The following ZNF532 variants were observed in gnomAD, a reference collection of about 807,000 sequenced individuals.
ZNF532 encodes zinc finger protein 532.
In ZNF532, 22 loss-of-function variants were observed where a neutral mutation model predicts 89.3. That is an observed-to-expected ratio of 0.25 (90% CI 0.18 to 0.35). The LOEUF (loss-of-function observed/expected upper bound fraction) is 0.35. Among genes scored for constraint, ZNF532 ranks in the 10% least tolerant of loss-of-function variants. The probability of loss-of-function intolerance (pLI) is 1.00; values close to 1 mark genes in which losing one functional copy is unlikely to be tolerated. For synonymous variants in ZNF532, 606 were observed against 649.6 expected (o/e 0.93, Z 1.02); for missense variants, 1,132 against 1,643.4 (o/e 0.69, Z 5.38).
intron 2 of ZNF532, among the ~76,000 whole-genome samples, chr18:58,902,027 T>C (rs1481801920): frequency 6.6e-6 from 1 of 152,230 alleles, no homozygotes; most frequent in Admixed American, 6.5e-5. Context: ...GGTTTCTCCA[T>C]GCCTGTTCTC....
chr18:58,954,712 T>C (rs2064576833), intron 7 of ZNF532, among the ~76,000 whole-genome samples: 1 of 83,846 alleles, frequency 1.2e-5, no homozygotes, highest in East Asian at 2.4e-4. Flanking sequence ...AATTTGCTAC[T>C]TTTTTTTTTT....
chr18:58,922,509 G>T (rs2061188049), intron 3 of ZNF532, among the ~76,000 whole-genome samples: 1 of 152,196 alleles, frequency 6.6e-6, no homozygotes, highest in African/African-American at 2.4e-5. Context: ...TAGGAAAGCA[G>T]CAACTTAGTT....
At chr18:58,951,646 G>GTTTTTTTTTTTGTT (rs760650267) in intron 6 of ZNF532, among the ~76,000 whole-genome samples, 2 of 72,592 alleles carry the variant, frequency 2.8e-5, no homozygotes, top group African/African-American at 6.3e-5. Flanking sequence ...TCGCCCTGTT[G>GTTTTTTTTTTTGTT]TTTTTTTTTT....
chr18:58,928,480 C>T (rs190464647), intron 3 of ZNF532, among the ~76,000 whole-genome samples: 4 of 152,238 alleles, frequency 2.6e-5, no homozygotes, highest in East Asian at 3.9e-4. Context: ...GGTTTTAGCT[C>T]GAGGCTCTCT....
chr18:58,883,781 C>T (rs1012773613), intron 2 of ZNF532, among the ~76,000 whole-genome samples: 1 of 152,120 alleles, frequency 6.6e-6, no homozygotes, highest in African/African-American at 2.4e-5. Flanking sequence ...CATGCCTCCT[C>T]CCCCAAGTTA....
At chr18:58,961,005 CCTT>C (rs2065291438) in intron 7 of ZNF532, among the ~76,000 whole-genome samples, 1 of 152,238 alleles carries the variant, frequency 6.6e-6, no homozygotes, top group Admixed American at 6.5e-5. Flanking sequence ...TATAACCCAT[CCTT>C]CTTTGTGGCT....
At chr18:58,880,774 C>G (rs73959534) in intron 2 of ZNF532, among the ~76,000 whole-genome samples, 70,346 of 140,412 alleles carry the variant, frequency 0.5, 17,533 homozygotes, top group East Asian at 0.65. Context: ...GCGCGCGCGT[C>G]TGTGTGTGTG....
At chr18:58,954,177 T>C (rs2064511603) in intron 7 of ZNF532, 1 of 982,282 alleles carries the variant, frequency 1.0e-6, no homozygotes, top group Non-Finnish European at 1.2e-6. Context: ...AGTGGAAATG[T>C]TGAACATTGC....
intron 3 of ZNF532, among the ~76,000 whole-genome samples, chr18:58,930,485 A>G (rs952317706): frequency 6.6e-6 from 1 of 152,098 alleles, no homozygotes; most frequent in Non-Finnish European, 1.5e-5. Context: ...AAAATTAGCC[A>G]GGCATGGCGG....
At chr18:58,982,177 C>T (rs890482363) in intron 9 of ZNF532, among the ~76,000 whole-genome samples, 14 of 148,726 alleles carry the variant, frequency 9.4e-5, no homozygotes, top group South Asian at 2.1e-4. Flanking sequence ...TGATGGCAGG[C>T]GCCTTAATCC....
Position 58,918,831 on chromosome 18 carries a change from G to A in ZNF532, c.544G>A (p.Glu182Lys). The A allele has an allele frequency of 6.2e-7, 1 of 1,614,192 alleles. No homozygotes were observed. The highest frequency in any genetic ancestry group is 8.5e-7 in the Non-Finnish European group (1 of 1,180,048). ...CGATAAGCTGAAGGCACTCGGAGGG[G>A]AAAACTCCAGCAAAACTGGACTCTC... is the stretch of plus-strand genomic sequence containing the variant. ...DYDKLKALGG[E>K]NSSKTGLSTS... Residue 182 changes from glutamate (E) to lysine (K), a missense_variant, in exon 3 of 10, where the codon GAA (glutamate) becomes AAA (lysine). By Grantham distance (56) the Glu-to-Lys change is moderately conservative (BLOSUM62 1). Transcript: ENST00000591808.
At chr18:58,935,548 T>C (rs1192920747) in intron 4 of ZNF532, among the ~76,000 whole-genome samples, 1 of 126,804 alleles carries the variant, frequency 7.9e-6, no homozygotes, top group East Asian at 2.3e-4. Context: ...CCTTGTCTCT[T>C]CTGCATATCT....
At chr18:58,864,400 T>C (rs2056253591), upstream of ZNF532, 1 of 151,932 alleles carries the variant, frequency 6.6e-6, no homozygotes, top group Non-Finnish European at 1.5e-5. Flanking sequence ...CCAGGCCGGC[T>C]CTGCAGCCGA....
intron 3 of ZNF532, among the ~76,000 whole-genome samples, chr18:58,923,865 T>A (rs1369658872): frequency 9.3e-5 from 14 of 150,404 alleles, no homozygotes; most frequent in African/African-American, 1.2e-4. Flanking sequence ...TATTCCATAT[T>A]TTTTTTTTTG....
intron 7 of ZNF532, among the ~76,000 whole-genome samples, chr18:58,959,041 A>G (rs1003199593): frequency 5.3e-5 from 8 of 152,222 alleles, no homozygotes; most frequent in African/African-American, 1.9e-4. Context: ...TTAAAATTAA[A>G]AAGAAGTTAC....
chr18:58,880,763 C>G (rs201126413), intron 2 of ZNF532, among the ~76,000 whole-genome samples: 1 of 119,624 alleles, frequency 8.4e-6, no homozygotes, highest in African/African-American at 3.5e-5. Flanking sequence ...CGCGCGCGCA[C>G]GCGCGCGCGT....
chr18:58,915,909 A>C (rs1161277945), intron 2 of ZNF532, among the ~76,000 whole-genome samples: 1 of 152,220 alleles, frequency 6.6e-6, no homozygotes, highest in Non-Finnish European at 1.5e-5. Context: ...TCTTTTGCTC[A>C]CCAAAGTCAT....
intron 2 of ZNF532, among the ~76,000 whole-genome samples, chr18:58,894,014 A>G (rs2059087629): frequency 6.6e-6 from 1 of 152,222 alleles, no homozygotes; most frequent in Admixed American, 6.5e-5. Flanking sequence ...CTCAAACTAC[A>G]GGGAGAAGGA....
chr18:58,900,733 C>G (rs1351049549), intron 2 of ZNF532, among the ~76,000 whole-genome samples: 1 of 152,220 alleles, frequency 6.6e-6, no homozygotes, highest in Non-Finnish European at 1.5e-5. Context: ...ATACAATTCA[C>G]ATACCATGCC....
Sources: gnomAD v4.1 joint callset for allele counts (sites outside exome capture counted in the v4.1 genomes callset) on GRCh38, gnomAD v4.1.1 for gene constraint, MANE v1.5 for transcripts, NCBI Gene and HGNC (gene_info 2026-07-23, HGNC 2026-07-21) for gene names.